The following SCLT1 variants were observed in gnomAD, a reference collection of about 807,000 sequenced individuals.
SCLT1 encodes sodium channel-associated protein 1.
A neutral mutation model predicts 112.8 loss-of-function variants in SCLT1; 78 were observed. The observed-to-expected ratio is 0.69, with a 90% CI of 0.58 to 0.83. SCLT1 has a LOEUF of 0.83. SCLT1 is among the 40% of genes least tolerant of loss of function. The probability of loss-of-function intolerance (pLI) is 0.00; values close to 1 mark genes in which losing one functional copy is unlikely to be tolerated. For missense variants in SCLT1, 747 were observed against 770.4 expected, an observed-to-expected ratio of 0.97 and a Z score of 0.36; for synonymous variants, 257 against 254.7, an observed-to-expected ratio of 1.01 and a Z score of -0.09.
chr4:128,908,715 C>G (rs1272010462), intron 18 of SCLT1, among the ~76,000 whole-genome samples: 3 of 152,180 alleles, frequency 2.0e-5, no homozygotes, highest in Non-Finnish European at 4.4e-5. Context: ...CCATACATTT[C>G]CCAGACTTCT....
At chr4:129,033,349 G>A (rs1746901188) in intron 5 of SCLT1, among the ~76,000 whole-genome samples, 1 of 151,592 alleles carries the variant, frequency 6.6e-6, no homozygotes, top group Admixed American at 6.6e-5. Flanking sequence ...TCGGGGGTGG[G>A]GGGCAAGGGA....
intron 11 of SCLT1, 76 bp downstream of exon 11, chr4:128,965,151 A>G: frequency 1.4e-6 from 1 of 740,052 alleles, no homozygotes; most frequent in Non-Finnish European, 2.3e-6. Context: ...ATTCTAGTAA[A>G]TATCACACAC....
rs1293133174 is a variant in SCLT1 at position 129,025,749 on chromosome 4, A to G, written c.290+13292T>C. Among the ~76,000 whole-genome samples the G allele has an allele frequency of 7.9e-5, 12 of 152,250 alleles. No individual in the cohort carries two copies. The East Asian group carries it at 1.7e-3, about 22-fold the overall frequency. ...TAAATGCTCCAATTAAAAGACACAG[A>G]CAGGCAAATTGGATAAAGAGTCAAG... On this transcript the variant is annotated intron_variant, in intron 5 of 20. Transcript: ENST00000281142.
At position 129,057,897 on chromosome 4, in the gene SCLT1, AC is replaced by A. The variant is rs140115463; in HGVS notation, c.103-13847del. Among the ~76,000 whole-genome samples, 538 of 151,826 alleles carry A rather than the reference AC, an allele frequency of 3.5e-3. 1 individual carries two copies. The highest frequency in any genetic ancestry group is 0.011 in the African/African-American group (441 of 41,392). ...CATCCAAGTAACTGAAATTACAGGCACCCACCACCACGCCTGGCTAATTTTT... is the reference window on the plus strand; with the variant it reads ...CATCCAAGTAACTGAAATTACAGGCACCACCACCACGCCTGGCTAATTTTT... On this transcript the variant is annotated intron_variant, in intron 2 of 20. Coordinates refer to ENST00000281142, the MANE Select transcript of SCLT1 (RefSeq NM_144643.4).
chr4:129,065,608 A>T (rs558117577), intron 2 of SCLT1, among the ~76,000 whole-genome samples: 1 of 142,216 alleles, frequency 7.0e-6, no homozygotes, highest in Admixed American at 7.1e-5. Context: ...ATCTAATGAA[A>T]CACATAGCGT....
chr4:129,092,994 T>C lies in SCLT1; in HGVS notation c.34+76A>G, dbSNP rs556731314. 7.3e-6 allele frequency: 8 copies of C among 1,099,100 alleles called. No individual in the cohort carries two copies. In the Admixed American group the frequency reaches 1.0e-4, roughly 14 times the overall value. The allele number at this position is 1,099,100 out of a possible 1,614,324, so 68.1% of individuals were successfully genotyped here. The stretch of plus-strand genomic sequence containing the variant: ...CCAATTTAAATGTACCCAACCAGCA[T>C]TCAAAAAAGATTTGTCGGTCAACGA... On this transcript the variant is annotated intron_variant, in intron 1 of 20. Transcript: ENST00000281142.
chr4:128,900,479 G>C (rs1179092955), intron 18 of SCLT1, among the ~76,000 whole-genome samples: 1 of 152,110 alleles, frequency 6.6e-6, no homozygotes, highest in African/African-American at 2.4e-5. Context: ...GCCATATGTA[G>C]AAAGCTGAAA....
chr4:129,081,256 C>T (rs1751911343), intron 2 of SCLT1, among the ~76,000 whole-genome samples: 1 of 152,220 alleles, frequency 6.6e-6, no homozygotes, highest in African/African-American at 2.4e-5. Flanking sequence ...CTTCCTACCC[C>T]TCCCATATGC....
intron 18 of SCLT1, among the ~76,000 whole-genome samples, chr4:128,899,518 C>T (rs950893045): frequency 5.9e-5 from 9 of 152,082 alleles, no homozygotes; most frequent in Non-Finnish European, 8.8e-5. Flanking sequence ...ATTAATGGGA[C>T]GTATCTCAAA....
At chr4:128,905,809 A>AT (rs34030004) in intron 18 of SCLT1, among the ~76,000 whole-genome samples, 22 of 150,180 alleles carry the variant, frequency 1.5e-4, no homozygotes, top group Non-Finnish European at 2.2e-4. Context: ...TTTTTAGACT[A>AT]TTTTTTTTTT....
chr4:128,885,061 T>G (rs1303364991), intron 20 of SCLT1, among the ~76,000 whole-genome samples: 1 of 152,212 alleles, frequency 6.6e-6, no homozygotes, highest in East Asian at 1.9e-4. Flanking sequence ...CGCTTAGAAT[T>G]GTAAAACATA....
chr4:128,997,016 T>C (rs956073875), intron 8 of SCLT1, among the ~76,000 whole-genome samples: 1 of 152,076 alleles, frequency 6.6e-6, no homozygotes, highest in Non-Finnish European at 1.5e-5. Context: ...TTCTTAATTA[T>C]AGAAATCAGT....
intron 1 of SCLT1, among the ~76,000 whole-genome samples, chr4:129,085,228 G>C (rs1752290313): frequency 6.6e-6 from 1 of 152,128 alleles, no homozygotes; most frequent in South Asian, 2.1e-4. Flanking sequence ...CCTTTTAAAA[G>C]AAGACATATA....
chr4:128,902,391 C>T (rs1734386520), intron 18 of SCLT1, among the ~76,000 whole-genome samples: 1 of 152,176 alleles, frequency 6.6e-6, no homozygotes, highest in African/African-American at 2.4e-5. Flanking sequence ...CTACTACACA[C>T]CTAGGCAAAA....
intron 2 of SCLT1, among the ~76,000 whole-genome samples, chr4:129,051,917 TGA>T (rs1203750033): frequency 3.3e-5 from 5 of 152,286 alleles, no homozygotes; most frequent in Middle Eastern, 3.4e-3. Context: ...CCTAGCTTAT[TGA>T]GAGTTTTTAG....
chr4:128,942,780 A>T (rs1415293120), intron 17 of SCLT1, among the ~76,000 whole-genome samples: 6 of 152,034 alleles, frequency 3.9e-5, no homozygotes, highest in African/African-American at 7.2e-5. Flanking sequence ...TTGGAAAAGA[A>T]TTTTTTTGTG....
intron 2 of SCLT1, among the ~76,000 whole-genome samples, chr4:129,049,790 G>A (rs1022830605): frequency 6.6e-6 from 1 of 151,694 alleles, no homozygotes; most frequent in Non-Finnish European, 1.5e-5. Flanking sequence ...TGTTACATAG[G>A]TATACATGTG....
At chr4:128,995,622 G>C (rs140505767) in intron 8 of SCLT1, among the ~76,000 whole-genome samples, 18 of 152,102 alleles carry the variant, frequency 1.2e-4, no homozygotes, top group African/African-American at 4.3e-4. Context: ...GATTCAGCAG[G>C]CCTCTACCAA....
In SCLT1 at chr4:128,943,027, G is replaced by T. The variant is rs1200992192; in HGVS notation, c.1601C>A (p.Ala534Asp). ...RKETESLRKI[A>D]LEAQKKAKVK... ...TTTGGCTTTTTTTTGAGCCTCCAGG[G>T]CAATCTTCCTTAAACTCTCAGTCTC... The change falls in exon 17 of 21, where the codon GCC (alanine) becomes GAC (aspartate). Residue 534 changes from alanine (A) to aspartate (D), a missense_variant. Coordinates refer to ENST00000281142, the MANE Select transcript of SCLT1 (RefSeq NM_144643.4). 1.2e-6 allele frequency: 2 copies of T among 1,611,102 alleles called. No homozygotes were observed. The highest frequency in any genetic ancestry group is 2.7e-5 in the African/African-American group (2 of 74,682).
Sources: gnomAD v4.1 joint callset for allele counts (sites outside exome capture counted in the v4.1 genomes callset) on GRCh38, gnomAD v4.1.1 for gene constraint, MANE v1.5 for transcripts, NCBI Gene and HGNC (gene_info 2026-07-23, HGNC 2026-07-21) for gene names.